EYA2: variants seen among roughly 807,000 people sequenced by gnomAD.
EYA2 encodes the protein EYA transcriptional coactivator and phosphatase 2, also known as protein phosphatase EYA2.
In EYA2, 31 loss-of-function variants were observed where a neutral mutation model predicts 69.2. That is an observed-to-expected ratio of 0.45 (90% CI 0.34 to 0.60). The LOEUF is 0.60. EYA2 is among the 20% of genes least tolerant of loss of function. The pLI is 0.02. For missense variants in EYA2, 622 were observed against 701.2 expected, an observed-to-expected ratio of 0.89 and a Z score of 1.28; for synonymous variants, 257 against 279.4, an observed-to-expected ratio of 0.92 and a Z score of 0.80.
intron 5 of EYA2, among the ~76,000 whole-genome samples, chr20:47,021,328 A>C (rs1164397443): frequency 6.6e-6 from 1 of 152,042 alleles, no homozygotes; most frequent in Admixed American, 6.6e-5. Context: ...TCTGTGTTGT[A>C]GGGAGACTTA....
intron 1 of EYA2, among the ~76,000 whole-genome samples, chr20:46,944,604 G>A (rs1021726724): frequency 6.6e-5 from 10 of 152,148 alleles, no homozygotes; most frequent in African/African-American, 2.2e-4. Flanking sequence ...TAGTGTTGTT[G>A]AGAGGATTCA....
rs115672612 is a variant in EYA2 at position 47,033,012 on chromosome 20, G to A, written c.415+16715G>A. ...CCCGCAGCAGGCCTCGCCAGGTCTC[G>A]CCACACTTTGCATCTCTGCTACTCC... is the stretch of plus-strand genomic sequence containing the variant. On this transcript the variant is annotated intron_variant, in intron 5 of 15. Coordinates refer to ENST00000327619, the MANE Select transcript of EYA2 (RefSeq NM_005244.5). 9.8e-3 allele frequency among the ~76,000 whole-genome samples: 1,486 copies of A among 152,198 alleles called. 18 individuals are homozygous for A. Among genetic ancestry groups the A allele is most frequent in the African/African-American group, 0.032 (1,338 of 41,522 alleles).
At chr20:46,965,475 GT>G (rs1225609846) in intron 1 of EYA2, among the ~76,000 whole-genome samples, 6 of 152,254 alleles carry the variant, frequency 3.9e-5, no homozygotes, top group African/African-American at 1.4e-4. Context: ...TTGGGCAAAG[GT>G]GGGGGGTTGG....
At chr20:47,184,309 T>G (rs6124965) in intron 15 of EYA2, among the ~76,000 whole-genome samples, 85,697 of 151,978 alleles carry the variant, frequency 0.56, 26,021 homozygotes, top group African/African-American at 0.81. Context: ...GCATCTTGAG[T>G]TGCTGACCTA....
At chr20:46,981,745 A>G (rs772510407) in intron 1 of EYA2, among the ~76,000 whole-genome samples, 4 of 152,030 alleles carry the variant, frequency 2.6e-5, no homozygotes, top group Non-Finnish European at 5.9e-5. Flanking sequence ...TATTTGGGGT[A>G]TTGTGTTGTA....
intron 9 of EYA2, among the ~76,000 whole-genome samples, chr20:47,135,706 A>C (rs796646883): frequency 9.2e-5 from 14 of 151,654 alleles, no homozygotes; most frequent in African/African-American, 3.4e-4. Flanking sequence ...TGCTTGAAAC[A>C]GAAAGCTTGC....
intron 10 of EYA2, among the ~76,000 whole-genome samples, chr20:47,155,532 T>C (rs1021586879): frequency 6.6e-6 from 1 of 151,968 alleles, no homozygotes; most frequent in Non-Finnish European, 1.5e-5. Flanking sequence ...GGTACTGTTA[T>C]GTATCCCCAT....
intron 10 of EYA2, among the ~76,000 whole-genome samples, chr20:47,159,001 G>T (rs997229629): frequency 6.6e-6 from 1 of 152,010 alleles, no homozygotes; most frequent in African/African-American, 2.4e-5. Context: ...AAGTATGTAT[G>T]AGTCTATGCT....
chr20:47,116,837 C>T lies in EYA2; in HGVS notation c.888+19669C>T, dbSNP rs61571082. 5.3e-3 allele frequency among the ~76,000 whole-genome samples: 808 copies of T among 152,324 alleles called. 3 individuals are homozygous for T. The highest frequency in any genetic ancestry group is 0.019 in the African/African-American group (770 of 41,578). ...CATCGAGGATGTATGAATGCTGGGA[C>T]TCCATGATTGCTGCTGCAGGGATGG... On this transcript the variant is annotated intron_variant, in intron 9 of 15. Coordinates refer to ENST00000327619, the MANE Select transcript of EYA2 (RefSeq NM_005244.5).
intron 5 of EYA2, among the ~76,000 whole-genome samples, chr20:47,036,583 A>G (rs1302987227): frequency 6.6e-6 from 1 of 152,204 alleles, no homozygotes; most frequent in African/African-American, 2.4e-5. Flanking sequence ...GCTTCGTAAT[A>G]TTGGAGGATA....
intron 7 of EYA2, among the ~76,000 whole-genome samples, chr20:47,087,421 A>G (rs1363990616): frequency 4.6e-5 from 7 of 152,208 alleles, no homozygotes; most frequent in Non-Finnish European, 1.0e-4. Flanking sequence ...GCTGTTTTAC[A>G]GTTCTGTCAC....
At chr20:47,007,597 G>T (rs538862893) in intron 4 of EYA2, among the ~76,000 whole-genome samples, 2 of 151,936 alleles carry the variant, frequency 1.3e-5, no homozygotes, top group East Asian at 1.9e-4. Flanking sequence ...ACTTAGGTGG[G>T]TTTTTTTTAA....
rs552304709 is a variant in EYA2, at chr20:47,059,125, C to T, written c.416-13060C>T. ...TGGGTGGGCTCATAAGGAAAATGTG[C>T]ATGAACCAAATTAACTCTGCCTTAA... On this transcript the variant is annotated intron_variant, in intron 5 of 15. Coordinates refer to ENST00000327619, the MANE Select transcript of EYA2 (RefSeq NM_005244.5). Among the ~76,000 whole-genome samples, 36 of 152,214 alleles carry T rather than the reference C, an allele frequency of 2.4e-4. No individual in the cohort carries two copies. In the South Asian group the frequency reaches 6.4e-3, roughly 27 times the overall value.
At chr20:47,073,013 A>G (rs1189355529) in intron 6 of EYA2, among the ~76,000 whole-genome samples, 1 of 152,244 alleles carries the variant, frequency 6.6e-6, no homozygotes, top group Non-Finnish European at 1.5e-5. Context: ...CATTATTTCT[A>G]ATGTACTATG....
chr20:46,906,153 C>T (rs575393738), intron 1 of EYA2, among the ~76,000 whole-genome samples: 116 of 152,134 alleles, frequency 7.6e-4, no homozygotes, highest in Non-Finnish European at 1.4e-3. Context: ...CAATTTTTTA[C>T]TGCTTAAGAC....
chr20:46,991,051 C>G (rs1052230626), intron 2 of EYA2, among the ~76,000 whole-genome samples: 18 of 152,340 alleles, frequency 1.2e-4, no homozygotes, highest in African/African-American at 4.3e-4. Flanking sequence ...GGCTTGGGCT[C>G]TCATGCCAAA....
intron 10 of EYA2, among the ~76,000 whole-genome samples, chr20:47,143,531 A>C (rs983727623): frequency 6.6e-6 from 1 of 152,200 alleles, no homozygotes; most frequent in African/African-American, 2.4e-5. Flanking sequence ...AATAATTAGC[A>C]GTGGCCCAGG....
At chr20:47,076,216 C>A (rs865845977) in intron 7 of EYA2, among the ~76,000 whole-genome samples, 2 of 152,156 alleles carry the variant, frequency 1.3e-5, no homozygotes, top group African/African-American at 2.4e-5. Flanking sequence ...GATATATACC[C>A]AGTAATGGGA....
chr20:47,085,938 A>C (rs1036269688), intron 7 of EYA2, among the ~76,000 whole-genome samples: 10 of 152,236 alleles, frequency 6.6e-5, no homozygotes, highest in Admixed American at 6.5e-4. Flanking sequence ...AGATGTGTAC[A>C]TACGTCAAAA....
Sources: allele counts gnomAD v4.1 joint callset (sites outside exome capture counted in the v4.1 genomes callset), GRCh38; gene constraint gnomAD v4.1.1; transcripts MANE v1.5; gene names NCBI Gene and HGNC (gene_info 2026-07-23, HGNC 2026-07-21).